The following AP3B1 variants were observed in gnomAD, a reference collection of about 807,000 sequenced individuals.
AP3B1 encodes the protein AP-3 complex subunit beta-1.
AP3B1 carries 61 observed loss-of-function variants against 132.5 expected under a neutral mutation model. The observed-to-expected ratio is 0.46, with a 90% CI of 0.37 to 0.57. The LOEUF (loss-of-function observed/expected upper bound fraction) is 0.57. AP3B1 is among the 20% of genes least tolerant of loss of function. AP3B1 has a pLI of 0.00. For synonymous variants in AP3B1, 388 were observed against 438.3 expected (o/e 0.89, Z 1.43); for missense variants, 1,120 against 1,289.4 (o/e 0.87, Z 2.01).
intron 1 of AP3B1, among the ~76,000 whole-genome samples, chr5:78,280,606 G>C (rs13157785): frequency 0.22 from 33,003 of 152,020 alleles, 4,415 homozygotes; most frequent in Middle Eastern, 0.31. Context: ...CTATAGTAGA[G>C]GAAATATAAG....
chr5:78,024,567 T>A (rs1296288845), intron 24 of AP3B1, among the ~76,000 whole-genome samples: 2 of 144,554 alleles, frequency 1.4e-5, no homozygotes, highest in East Asian at 4.0e-4. Flanking sequence ...TTTAATTTTT[T>A]TTTTTTTTTT....
At chr5:78,191,498 G>T (rs1037997809) in intron 7 of AP3B1, among the ~76,000 whole-genome samples, 9 of 152,028 alleles carry the variant, frequency 5.9e-5, no homozygotes, top group Non-Finnish European at 1.2e-4. Context: ...TTACAATCCT[G>T]CTAACTCTCC....
At chr5:78,010,620 C>T (rs1047319683) in intron 26 of AP3B1, among the ~76,000 whole-genome samples, 20 of 152,192 alleles carry the variant, frequency 1.3e-4, no homozygotes, top group East Asian at 5.8e-4. Context: ...CCTTCCTAAA[C>T]CCTTCCTGGA....
intron 1 of AP3B1, among the ~76,000 whole-genome samples, chr5:78,285,987 CATT>C (rs954477587): frequency 1.3e-5 from 2 of 152,150 alleles, no homozygotes; most frequent in African/African-American, 4.8e-5. Context: ...GGTAAACAAT[CATT>C]TCACCCCTCT....
At chr5:78,009,776 G>A (rs1228728755) in intron 26 of AP3B1, among the ~76,000 whole-genome samples, 2 of 151,448 alleles carry the variant, frequency 1.3e-5, no homozygotes, top group African/African-American at 4.9e-5. Context: ...AGATATACGG[G>A]GGGGTGGGGG....
At chr5:78,000,904 G>A (rs1226840714), downstream of AP3B1, 3 of 152,138 alleles carry the variant, frequency 2.0e-5, no homozygotes, top group South Asian at 2.1e-4. Context: ...TCTGTTTTAC[G>A]TGAAAAACAT....
intron 15 of AP3B1, among the ~76,000 whole-genome samples, chr5:78,140,447 A>T (rs1753096984): frequency 6.6e-6 from 1 of 152,202 alleles, no homozygotes; most frequent in Admixed American, 6.5e-5. Context: ...TGGGAAATCC[A>T]AGATCAAGGT....
chr5:78,250,608 G>A (rs12186569), intron 2 of AP3B1, among the ~76,000 whole-genome samples: 32,695 of 151,654 alleles, frequency 0.22, 3,678 homozygotes, highest in Admixed American at 0.29. Flanking sequence ...GACTTAAGGA[G>A]GAAAAAAATA....
chr5:78,181,715 A>G, intron 7 of AP3B1, 53 bp from the exon 8 acceptor site: 3 of 1,519,398 alleles, frequency 2.0e-6, no homozygotes, highest in East Asian at 2.3e-5. Flanking sequence ...AGCAATCTGC[A>G]TATTATATAG....
At chr5:78,227,342 T>C (rs779980354) in intron 5 of AP3B1, 30 bp downstream of exon 5, 3 of 1,603,746 alleles carry the variant, frequency 1.9e-6, no homozygotes, top group Non-Finnish European at 2.6e-6. Context: ...ACATCAGAGA[T>C]CTTTGGTATA....
rs555814810 is a variant in AP3B1 at position 78,249,683 on chromosome 5, G to A, written c.205-8747C>T. 2.4e-4 allele frequency among the ~76,000 whole-genome samples: 36 copies of A among 149,186 alleles called. No homozygotes were observed. In the East Asian group the frequency reaches 3.0e-3, roughly 12 times the overall value. On this transcript the variant is annotated intron_variant, in intron 2 of 26. Coordinates refer to ENST00000255194, the MANE Select transcript of AP3B1 (RefSeq NM_003664.5). ...ACTGCAGCCTCAACCTCTTGGGCTC[G>A]AGTGGGCTTTCTGCCTCAGCCTTCT...
chr5:78,069,344 T>C (rs1749432835), intron 22 of AP3B1, among the ~76,000 whole-genome samples: 1 of 152,202 alleles, frequency 6.6e-6, no homozygotes, highest in South Asian at 2.1e-4. Context: ...ATCTTATATC[T>C]AGAAAACCCA....
intron 1 of AP3B1, among the ~76,000 whole-genome samples, chr5:78,291,249 A>G (rs1749502326): frequency 6.6e-6 from 1 of 152,152 alleles, no homozygotes; most frequent in Non-Finnish European, 1.5e-5. Flanking sequence ...TAGGCCAAGA[A>G]GCCAAAGAGC....
intron 8 of AP3B1, among the ~76,000 whole-genome samples, chr5:78,179,670 C>G (rs1744287967): frequency 6.6e-6 from 1 of 152,096 alleles, no homozygotes. Context: ...GTTAGAATAG[C>G]CTCCTAACAT....
intron 22 of AP3B1, among the ~76,000 whole-genome samples, chr5:78,072,632 A>C (rs1162055943): frequency 6.6e-6 from 1 of 152,080 alleles, no homozygotes; most frequent in African/African-American, 2.4e-5. Flanking sequence ...TTTAAGGAAA[A>C]ACACTTACTG....
intron 22 of AP3B1, among the ~76,000 whole-genome samples, chr5:78,066,562 A>T (rs1044194662): frequency 6.6e-6 from 1 of 152,224 alleles, no homozygotes; most frequent in Admixed American, 6.5e-5. Flanking sequence ...GGAGGAAAGA[A>T]TTTCTGAGCT....
At chr5:78,143,803 C>G (rs186519298) in intron 14 of AP3B1, among the ~76,000 whole-genome samples, 41 of 152,204 alleles carry the variant, frequency 2.7e-4, no homozygotes, top group African/African-American at 9.6e-4. Flanking sequence ...CACTTGAGGA[C>G]AGGAGTTTGA....
rs542187792 is a variant in AP3B1 at position 78,243,393 on chromosome 5, T to C, written c.205-2457A>G. ...TATTCCGCAGAACGTTATTCAAATA[T>C]GGGGAAGGAAAAAAACACCACAATC... On this transcript the variant is annotated intron_variant, in intron 2 of 26. Transcript: ENST00000255194. Among the ~76,000 whole-genome samples, 8 of 152,254 alleles carry C rather than the reference T, an allele frequency of 5.3e-5. No individual in the cohort carries two copies. In the East Asian group the frequency reaches 1.5e-3, roughly 29 times the overall value.
At chr5:78,291,218 G>A (rs534250234) in intron 1 of AP3B1, among the ~76,000 whole-genome samples, 2 of 152,160 alleles carry the variant, frequency 1.3e-5, no homozygotes, top group Non-Finnish European at 2.9e-5. Flanking sequence ...GGTTAGTGAA[G>A]GATCAGTGAA....
Sources: gnomAD v4.1 joint callset for allele counts (sites outside exome capture counted in the v4.1 genomes callset) on GRCh38, gnomAD v4.1.1 for gene constraint, MANE v1.5 for transcripts, NCBI Gene and HGNC (gene_info 2026-07-23, HGNC 2026-07-21) for gene names.